FER1L6: variants seen among roughly 807,000 people sequenced by gnomAD.
FER1L6 encodes fer-1-like protein 6.
FER1L6 carries 177 observed loss-of-function variants against 219.2 expected under a neutral mutation model. The ratio of observed to expected loss-of-function variants is 0.81; its 90% CI spans 0.71 to 0.91. The LOEUF is 0.91. FER1L6 is among the 40% of genes least tolerant of loss of function. FER1L6 has a pLI of 0.00. For missense variants in FER1L6, 2,153 were observed against 2,259.9 expected (o/e 0.95, Z 0.96); for synonymous variants, 768 against 824.3 (o/e 0.93, Z 1.17).
chr8:123,938,464 A>C (rs983607654), intron 1 of FER1L6, among the ~76,000 whole-genome samples: 34 of 152,158 alleles, frequency 2.2e-4, no homozygotes, highest in African/African-American at 7.2e-4. Context: ...AATGCCCACA[A>C]TAATAAGTCC....
intron 12 of FER1L6, among the ~76,000 whole-genome samples, chr8:123,998,142 A>G (rs1261401337): frequency 6.6e-6 from 1 of 152,146 alleles, no homozygotes; most frequent in Admixed American, 6.5e-5. Context: ...GTTTGCGCCC[A>G]TCCTTCTTAG....
rs770734412 is a variant in FER1L6 at position 124,119,713 on chromosome 8, A to G, written c.5497A>G (p.Ile1833Val). The change falls in exon 41 of 41, where the codon ATC (isoleucine) becomes GTC (valine). Residue 1833 changes from isoleucine to valine, a missense_variant. Ile to Val is a conservative substitution (Grantham distance 29). Coordinates refer to ENST00000522917, the MANE Select transcript of FER1L6 (RefSeq NM_001039112.2). The part of the protein sequence containing the change: ...KYIIIAFILI[I>V]LIIFLVLFIY... ...CATCATCATTGCTTTCATTCTCATC[A>G]TCCTCATCATCTTCCTCGTCCTTTT... 1 of 1,613,164 alleles carries G rather than the reference A, an allele frequency of 6.2e-7. No homozygotes were observed. The highest frequency in any genetic ancestry group is 1.1e-5 in the South Asian group (1 of 91,030).
At chr8:123,874,389 G>C (rs1016636244) in intron 1 of FER1L6, among the ~76,000 whole-genome samples, 1 of 152,114 alleles carries the variant, frequency 6.6e-6, no homozygotes, top group African/African-American at 2.4e-5. Context: ...CTGTAAAGTG[G>C]GAGTAATAAT....
At position 124,049,534 on chromosome 8, in the gene FER1L6, G is replaced by A. The variant is rs1286953631; in HGVS notation, c.2725-73G>A. ...TTTGTGGAGGTTATTTTGTGGAGGT[G>A]ATGGCATTGATGTGGATCAGAACCA... On this transcript the variant is annotated intron_variant, in intron 21 of 40. Coordinates refer to ENST00000522917, the MANE Select transcript of FER1L6 (RefSeq NM_001039112.2). 7 of 1,502,376 alleles carry A rather than the reference G, an allele frequency of 4.7e-6. No individual in the cohort carries two copies. In the Admixed American group the frequency reaches 8.6e-5, roughly 18 times the overall value. 93.1% of individuals were successfully genotyped at this position (1,502,376 alleles called of 1,614,324 possible). A position where few individuals can be genotyped will look rare whatever the true frequency, so the allele number is the denominator to read the frequency against.
intron 1 of FER1L6, among the ~76,000 whole-genome samples, chr8:123,928,472 G>C (rs545685767): frequency 6.6e-6 from 1 of 152,128 alleles, no homozygotes; most frequent in African/African-American, 2.4e-5. Flanking sequence ...GGGCAAATAG[G>C]CTTGTTTTCT....
intron 1 of FER1L6, among the ~76,000 whole-genome samples, chr8:123,932,177 C>T (rs1436281823): frequency 2.0e-5 from 3 of 152,082 alleles, no homozygotes; most frequent in South Asian, 4.1e-4. Context: ...GGCGTGATGT[C>T]GACTCACTAC....
At chr8:123,855,750 G>GTA (rs1816625521) in intron 1 of FER1L6, among the ~76,000 whole-genome samples, 1 of 147,088 alleles carries the variant, frequency 6.8e-6, no homozygotes, top group African/African-American at 2.6e-5. Context: ...GTGTGTATGT[G>GTA]TGTATATATA....
intron 39 of FER1L6, among the ~76,000 whole-genome samples, chr8:124,110,505 G>A (rs1279906356): frequency 2.0e-5 from 3 of 152,140 alleles, no homozygotes; most frequent in East Asian, 3.9e-4. Context: ...TCACCACAGA[G>A]GTGAAGTCTG....
intron 18 of FER1L6, among the ~76,000 whole-genome samples, chr8:124,033,039 G>A (rs1332184849): frequency 2.0e-5 from 3 of 152,132 alleles, no homozygotes; most frequent in Non-Finnish European, 4.4e-5. Context: ...CCTATGATTT[G>A]GTGATAGCTT....
rs572827626 is a variant in FER1L6 at position 123,894,141 on chromosome 8, G to C, written c.-8+41956G>C. 4.6e-5 allele frequency among the ~76,000 whole-genome samples: 7 copies of C among 152,218 alleles called. No homozygotes were observed. In the South Asian group the frequency reaches 1.5e-3, roughly 32 times the overall value. On this transcript the variant is annotated intron_variant, in intron 1 of 40. Transcript: ENST00000522917. ...TAAAGCTTGAAATGTACCAGATTCA[G>C]ACAATGAGATACCAGGCCTCTCAAA...
intron 5 of FER1L6, among the ~76,000 whole-genome samples, chr8:123,967,132 CA>C (rs536079209): frequency 5.6e-4 from 83 of 149,326 alleles, no homozygotes; most frequent in African/African-American, 1.9e-3. Flanking sequence ...GCAAAAGAGA[CA>C]AAAAGTATAA....
chr8:123,977,724 C>A (rs1816153546), intron 10 of FER1L6, 115 bp downstream of exon 10: 1 of 892,246 alleles, frequency 1.1e-6, no homozygotes, highest in African/African-American at 1.7e-5. Flanking sequence ...CACCAGATAC[C>A]AGTTTTATGG....
chr8:123,976,563 TACTC>T (rs2130304255), intron 9 of FER1L6, among the ~76,000 whole-genome samples: 1 of 151,682 alleles, frequency 6.6e-6, no homozygotes, highest in Non-Finnish European at 1.5e-5. Flanking sequence ...AGGGGAGGGT[TACTC>T]ACTCACTCTT....
chr8:123,856,336 A>G (rs1425928162), intron 1 of FER1L6, among the ~76,000 whole-genome samples: 8 of 128,940 alleles, frequency 6.2e-5, no homozygotes, highest in African/African-American at 2.4e-4. Context: ...ATATATATAT[A>G]TATATATATA....
At chr8:124,078,847 G>T (rs141578429) in intron 32 of FER1L6, among the ~76,000 whole-genome samples, 134 of 152,256 alleles carry the variant, frequency 8.8e-4, no homozygotes, top group African/African-American at 3.1e-3. Context: ...GAGAGACAGA[G>T]AATTTCCCAG....
At chr8:124,041,024 T>G (rs1229842426) in intron 20 of FER1L6, among the ~76,000 whole-genome samples, 4 of 152,244 alleles carry the variant, frequency 2.6e-5, no homozygotes, top group African/African-American at 7.2e-5. Context: ...GTGAAAGGAT[T>G]CCTAATCAGC....
chr8:123,947,715 T>G (rs1814566325), intron 1 of FER1L6, among the ~76,000 whole-genome samples: 1 of 152,140 alleles, frequency 6.6e-6, no homozygotes, highest in Non-Finnish European at 1.5e-5. Flanking sequence ...GAGAAGGATG[T>G]TTTTTCAAGT....
Position 124,055,550 on chromosome 8 carries a change from C to G in FER1L6, c.2875-4630C>G, listed in dbSNP as rs148502373. ...TTGGCCTTCTTTTCCATTCTCCATACTTAGAACACTCGTTTCCCCTACTTT... is the reference window on the plus strand; with the variant it reads ...TTGGCCTTCTTTTCCATTCTCCATAGTTAGAACACTCGTTTCCCCTACTTT... On this transcript the variant is annotated intron_variant, in intron 22 of 40. Coordinates refer to ENST00000522917, the MANE Select transcript of FER1L6 (RefSeq NM_001039112.2). Among the ~76,000 whole-genome samples, 496 of 152,278 alleles carry G rather than the reference C, an allele frequency of 3.3e-3. 3 individuals are homozygous for G. The highest frequency in any genetic ancestry group is 0.011 in the African/African-American group (464 of 41,548).
At chr8:124,011,648 T>C (rs923570977) in intron 14 of FER1L6, among the ~76,000 whole-genome samples, 1 of 117,218 alleles carries the variant, frequency 8.5e-6, no homozygotes, top group Non-Finnish European at 1.7e-5. Context: ...CATGCCTGAC[T>C]TTTTTTTTTT....
Sources: gnomAD v4.1 joint callset for allele counts (sites outside exome capture counted in the v4.1 genomes callset) on GRCh38, gnomAD v4.1.1 for gene constraint, MANE v1.5 for transcripts, NCBI Gene and HGNC (gene_info 2026-07-23, HGNC 2026-07-21) for gene names.